Variants in RBM4 observed in about 807,000 individuals in gnomAD.
RBM4 encodes RNA binding motif protein 4.
RBM4 carries 7 observed loss-of-function variants against 29.5 expected under a neutral mutation model. The observed-to-expected ratio is 0.24, with a 90% confidence interval of 0.14 to 0.45. The LOEUF (loss-of-function observed/expected upper bound fraction) is 0.45. Ranked by LOEUF, RBM4 falls within the 20% of genes least tolerant of loss-of-function variation. RBM4 has a pLI of 1.00. For synonymous variants in RBM4, 220 were observed against 205.4 expected, an observed-to-expected ratio of 1.07 and a Z score of -0.61; for missense variants, 387 against 502.3, an observed-to-expected ratio of 0.77 and a Z score of 2.19.
downstream of RBM4, chr11:66,646,506 GT>G: frequency 1.0e-6 from 1 of 989,796 alleles, no homozygotes; most frequent in East Asian, 1.1e-4. Flanking sequence ...GCTTGGGCTT[GT>G]TTGGGGGTTC....
rs561335778 is a variant in RBM4 at position 66,646,182 on chromosome 11, C to T, written c.*164C>T. The T allele has an allele frequency of 4.2e-4, 617 of 1,456,652 alleles. 2 individuals carry two copies. In the Middle Eastern group the frequency reaches 5.4e-3, roughly 13 times the overall value. 90.2% of individuals were successfully genotyped at this position (1,456,652 alleles called of 1,614,324 possible). ...CTTGCTAAGTTCAGACCTTCTCTTC[C>T]TTTCCTTTCCTTTCCTCTCCTGCCC... is the stretch of plus-strand genomic sequence containing the variant. On this transcript the variant is annotated 3_prime_UTR_variant, in exon 4 of 4. Coordinates refer to ENST00000310092, the MANE Select transcript of RBM4 (RefSeq NM_002896.4).
At chr11:66,641,350 A>G (rs1006471759) in intron 2 of RBM4, among the ~76,000 whole-genome samples, 1 of 152,056 alleles carries the variant, frequency 6.6e-6, no homozygotes, top group African/African-American at 2.4e-5. Flanking sequence ...GAGTCTGATC[A>G]TTATTTCCCC....
At chr11:66,645,934 C>T (rs1438304985) in intron 3 of RBM4, 93 bp from the exon 4 acceptor site, 4 of 1,530,558 alleles carry the variant, frequency 2.6e-6, no homozygotes, top group South Asian at 1.2e-5. Context: ...AAAGGAGTGT[C>T]AAGTTATCAG....
At chr11:66,644,699 C>G (rs1483540591) in intron 3 of RBM4, 3 of 983,062 alleles carry the variant, frequency 3.1e-6, no homozygotes, top group African/African-American at 3.5e-5. Context: ...TTCTGACATT[C>G]CTGAACCGTT....
intron 2 of RBM4, among the ~76,000 whole-genome samples, chr11:66,662,647 C>T (rs749068962): frequency 6.6e-6 from 1 of 152,186 alleles, no homozygotes; most frequent in African/African-American, 2.4e-5. Flanking sequence ...GGGCAATCCA[C>T]CTGCCTCAGC....
At chr11:66,665,426 C>G in intron 2 of RBM4, 1 of 680,660 alleles carries the variant, frequency 1.5e-6, no homozygotes, top group Middle Eastern at 2.5e-4. Flanking sequence ...GAAAAGTCAA[C>G]TTAGAAGAAT....
rs1418495451 is a variant in RBM4, at chr11:66,655,886, T to C, written c.413-9970T>C. ...ATAATGTGATTACTTTTTTAAAAAA[T>C]CAGCTTTTCTGAGTTTTTTTTTTAA... On this transcript the variant is annotated intron_variant, in intron 2 of 2. Coordinates refer to the RBM4 transcript ENST00000396053. Among the ~76,000 whole-genome samples the C allele has an allele frequency of 4.6e-5, 7 of 152,292 alleles. No homozygotes were observed. The South Asian group carries it at 1.4e-3, about 32-fold the overall frequency.
chr11:66,640,071 G>A lies in RBM4; in HGVS notation c.360G>A (p.Arg120=). 5.0e-6 allele frequency: 8 copies of A among 1,614,204 alleles called. No individual in the cohort carries two copies. The highest frequency in any genetic ancestry group is 6.8e-6 in the Non-Finnish European group (8 of 1,180,050). The part of the protein sequence containing the change: ...VKDYAFVHME[R]AEDAVEAIRG... ...ATTATGCCTTCGTACACATGGAGCG[G>A]GCAGAGGATGCAGTGGAGGCCATCA... is the stretch of plus-strand genomic sequence containing the variant. Residue 120 remains arginine, a synonymous_variant, in exon 2 of 4, where the codon CGG becomes CGA. Coordinates refer to ENST00000310092, the MANE Select transcript of RBM4 (RefSeq NM_002896.4).
At chr11:66,662,379 C>T (rs994856066) in intron 2 of RBM4, among the ~76,000 whole-genome samples, 2 of 152,006 alleles carry the variant, frequency 1.3e-5, no homozygotes. Context: ...GTGCCAATGA[C>T]ATAGAAATCA....
chr11:66,641,048 G>A (rs901071237), intron 2 of RBM4: 3 of 152,214 alleles, frequency 2.0e-5, no homozygotes, highest in Non-Finnish European at 4.4e-5. Context: ...CAGTTCAGGG[G>A]TGGTGATCAT....
At chr11:66,656,142 G>C (rs1279946993) in intron 2 of RBM4, among the ~76,000 whole-genome samples, 1 of 150,396 alleles carries the variant, frequency 6.6e-6, no homozygotes, top group Non-Finnish European at 1.5e-5. Context: ...GGCTAATTTT[G>C]TATTTTTTTT....
intron 2 of RBM4, among the ~76,000 whole-genome samples, chr11:66,655,200 G>A (rs1220829939): frequency 6.6e-6 from 1 of 152,006 alleles, no homozygotes; most frequent in Non-Finnish European, 1.5e-5. Context: ...TGGCCCTGCT[G>A]GTTTCGAACT....
intron 2 of RBM4, chr11:66,640,444 A>T: frequency 5.8e-6 from 3 of 519,714 alleles, no homozygotes; most frequent in Non-Finnish European, 1.0e-5. Flanking sequence ...TTTGTAGTAG[A>T]GCACAGTTCA....
At position 66,643,644 on chromosome 11, in the gene RBM4, A is replaced by C; in HGVS notation, c.607A>C (p.Met203Leu). The change falls in exon 3 of 4, where the codon ATG becomes CTG. Residue 203 changes from methionine to leucine, a missense_variant. By Grantham distance (15) the Met-to-Leu change is conservative. This residue lies in a region of RBM4 where 281 missense variants were observed against 288.7 expected (regional missense o/e 0.97). Transcript: ENST00000310092. The surrounding 1 kb of genome is among the most constrained non-coding windows in gnomAD (Gnocchi z 6.1). ...QYGAVRTPYTMSYGDSLYYNN... is the reference protein window; with the variant it reads ...QYGAVRTPYTLSYGDSLYYNN... ...CGGAGCAGTGCGTACGCCTTACACCATGAGCTATGGGGATTCATTGTATTA... is the reference window on the plus strand; with the variant it reads ...CGGAGCAGTGCGTACGCCTTACACCCTGAGCTATGGGGATTCATTGTATTA... 6.2e-7 allele frequency: 1 copy of C among 1,614,166 alleles called. No individual in the cohort carries two copies. Among genetic ancestry groups the C allele is most frequent in the East Asian group, 2.2e-5 (1 of 44,880 alleles).
chr11:66,648,838 C>T (rs1938765004), downstream of RBM4, among the ~76,000 whole-genome samples: 2 of 150,650 alleles, frequency 1.3e-5, no homozygotes, highest in Admixed American at 1.3e-4. Flanking sequence ...TTTTTAATTT[C>T]TTGATTCTAT....
At chr11:66,638,808 C>T (rs1344261333) in intron 1 of RBM4, 56 bp downstream of exon 1, 4 of 152,378 alleles carry the variant, frequency 2.6e-5, no homozygotes, top group Non-Finnish European at 5.9e-5. Flanking sequence ...TCTTCTCTCA[C>T]TCCCTTGGGC....
chr11:66,652,121 T>G (rs984075651), intron 2 of RBM4, among the ~76,000 whole-genome samples: 15 of 151,986 alleles, frequency 9.9e-5, no homozygotes, highest in Admixed American at 2.0e-4. Context: ...AAAAATTTTT[T>G]TTTTTTGGTC....
chr11:66,642,165 G>A (rs1311832810), intron 2 of RBM4, among the ~76,000 whole-genome samples: 2 of 152,100 alleles, frequency 1.3e-5, no homozygotes, highest in Non-Finnish European at 2.9e-5. Flanking sequence ...TTCCACCCCC[G>A]TTTCCCTATT....
At chr11:66,660,351 C>CTTTTTT (rs56839505) in intron 2 of RBM4, among the ~76,000 whole-genome samples, 1 of 127,572 alleles carries the variant, frequency 7.8e-6, no homozygotes. Flanking sequence ...GGGAGTCTCT[C>CTTTTTT]TTTTTTTTTT....
Sources: allele counts gnomAD v4.1 joint callset (sites outside exome capture counted in the v4.1 genomes callset), GRCh38; gene constraint gnomAD v4.1.1; regional missense constraint gnomAD v4.1.1; non-coding constraint Gnocchi (gnomAD v3.1); transcripts MANE v1.5; gene names NCBI Gene and HGNC (gene_info 2026-07-23, HGNC 2026-07-21).